Variants in ATM observed in about 807,000 individuals in gnomAD.
ATM encodes serine-protein kinase ATM.
A neutral mutation model predicts 387.0 loss-of-function variants in ATM; 308 were observed. The ratio of observed to expected loss-of-function variants is 0.80; its 90% CI spans 0.73 to 0.87. The LOEUF (loss-of-function observed/expected upper bound fraction) is 0.87, where lower values mean the gene tolerates loss of function less well. Ranked by LOEUF, ATM falls within the 40% of genes least tolerant of loss-of-function variation. ATM has a pLI of 0.00. For synonymous variants in ATM, 1,156 were observed against 1,187.3 expected, an observed-to-expected ratio of 0.97 and a Z score of 0.54; for missense variants, 3,312 against 3,560.9, an observed-to-expected ratio of 0.93 and a Z score of 1.78.
chr11:108,359,970 G>C (rs2090506527), intron 61 of ATM, among the ~76,000 whole-genome samples: 1 of 151,608 alleles, frequency 6.6e-6, no homozygotes. Flanking sequence ...AGGAAATAGA[G>C]ACACAAAAAA....
In ATM at chr11:108,244,966, G is replaced by C. The variant is rs1591504491; in HGVS notation, c.841G>C (p.Glu281Gln). 6.2e-7 allele frequency: 1 copy of C among 1,612,990 alleles called. No homozygotes were observed. The highest frequency in any genetic ancestry group is 8.5e-7 in the Non-Finnish European group (1 of 1,179,784). The change falls in exon 7 of 63, where the codon GAA becomes CAA. Residue 281 changes from glutamate to glutamine, a missense_variant. Transcript: ENST00000675843. ...TGATTCTTTAAAAGAAGTCATTATT[G>C]AATTATTTCAACTGCAAATTTATAT... ...LNDSLKEVII[E>Q]LFQLQIYIHH...
intron 61 of ATM, among the ~76,000 whole-genome samples, chr11:108,363,889 T>G (rs1263451262): frequency 6.6e-6 from 1 of 152,196 alleles, no homozygotes; most frequent in Non-Finnish European, 1.5e-5. Context: ...ATTAGAGGCC[T>G]TCATTCCTTT....
At position 108,271,332 on chromosome 11, in the gene ATM, A is replaced by C. The variant is rs765969190; in HGVS notation, c.3003A>C (p.Leu1001=). Residue 1001 remains leucine, a synonymous_variant, in exon 20 of 63, where the codon CTA becomes CTC. Transcript: ENST00000675843. ...ATGTCCTTCATGTAGTGAAAAACCT[A>C]GGTCAAAGCAATATGGACTCTGAGA... is the stretch of plus-strand genomic sequence containing the variant. ...LNHVLHVVKN[L]GQSNMDSENT... The C allele has an allele frequency of 1.2e-6, 2 of 1,613,984 alleles. No homozygotes were observed. Among genetic ancestry groups the C allele is most frequent in the Non-Finnish European group, 1.7e-6 (2 of 1,179,988 alleles).
At chr11:108,230,986 G>A (rs1014935663) in intron 4 of ATM, 1 of 152,300 alleles carries the variant, frequency 6.6e-6, no homozygotes, top group African/African-American at 2.4e-5. Flanking sequence ...ACAAGCGTGA[G>A]CCACTGCACC....
At chr11:108,242,128 C>CA (rs368062008) in intron 5 of ATM, among the ~76,000 whole-genome samples, 51 of 150,082 alleles carry the variant, frequency 3.4e-4, no homozygotes, top group African/African-American at 1.2e-3. Context: ...CTTAAAAAAA[C>CA]AAAAAACAAA....
chr11:108,271,912 C>T (rs2081606369), intron 20 of ATM, among the ~76,000 whole-genome samples: 1 of 152,160 alleles, frequency 6.6e-6, no homozygotes. Context: ...ATCACCCAGG[C>T]TGCAGGCTGG....
At chr11:108,316,349 T>G (rs2084648644) in intron 42 of ATM, among the ~76,000 whole-genome samples, 1 of 152,114 alleles carries the variant, frequency 6.6e-6, no homozygotes, top group Admixed American at 6.5e-5. Flanking sequence ...ACCTAAAAGA[T>G]AGTGTAGATT....
In ATM at chr11:108,256,235, T is replaced by G. The variant is rs2080474170; in HGVS notation, c.2145T>G (p.Leu715=). 1 of 1,608,064 alleles carries G rather than the reference T, an allele frequency of 6.2e-7. No individual in the cohort carries two copies. The highest frequency in any genetic ancestry group is 1.1e-5 in the South Asian group (1 of 90,352). ...YSSEITNSET[L]VRCSRLLVGV... ...TTAAGATTACAAATTCAGAAACTCT[T>G]GTCCGGTGTTCACGTCTTTTGGTGG... is the stretch of plus-strand genomic sequence containing the variant. The change falls in exon 14 of 63, where the codon CTT becomes CTG. Residue 715 remains leucine (L), a synonymous_variant. Coordinates refer to ENST00000675843, the MANE Select transcript of ATM (RefSeq NM_000051.4).
chr11:108,365,636 G>T lies in ATM; in HGVS notation c.*128G>T. Reference sequence around the variant, plus strand: ...TGAACTATTGTGGGTTTTTTTGAATGTTGGTTTTAATACTTGATTTAATCA... The same window carrying T: ...TGAACTATTGTGGGTTTTTTTGAATTTTGGTTTTAATACTTGATTTAATCA... On this transcript the variant is annotated 3_prime_UTR_variant, in exon 63 of 63. Transcript: ENST00000675843. 1 of 1,203,330 alleles carries T rather than the reference G, an allele frequency of 8.3e-7. No homozygotes were observed. Among genetic ancestry groups the T allele is most frequent in the Non-Finnish European group, 1.2e-6 (1 of 864,256 alleles). 74.5% of individuals were successfully genotyped at this position (1,203,330 alleles called of 1,614,324 possible). A position where few individuals can be genotyped will look rare whatever the true frequency, so the allele number is the denominator to read the frequency against.
At chr11:108,269,190 A>G in intron 18 of ATM, among the ~76,000 whole-genome samples, 1 of 152,210 alleles carries the variant, frequency 6.6e-6, no homozygotes, top group Non-Finnish European at 1.5e-5. Context: ...CCACAGTATA[A>G]TCATCAAAAT....
Position 108,287,626 on chromosome 11 carries a change from A to G in ATM, c.4020A>G (p.Leu1340=), listed in dbSNP as rs1555095888. Residue 1340 remains leucine (L), a synonymous_variant, in exon 27 of 63, where the codon TTA becomes TTG. Transcript: ENST00000675843. ...TTGATCACTTATTCATTAGTAATTTACCAGAGATTGTGGTGGAGTTATTGA... is the reference window on the plus strand; with the variant it reads ...TTGATCACTTATTCATTAGTAATTTGCCAGAGATTGTGGTGGAGTTATTGA... ...KQIDHLFISN[L]PEIVVELLMT... is the part of the protein sequence containing the mutation. 1 of 1,613,240 alleles carries G rather than the reference A, an allele frequency of 6.2e-7. No individual in the cohort carries two copies. Among genetic ancestry groups the G allele is most frequent in the Non-Finnish European group, 8.5e-7 (1 of 1,179,530 alleles).
At chr11:108,234,121 G>A (rs1412225369) in intron 4 of ATM, among the ~76,000 whole-genome samples, 1 of 152,064 alleles carries the variant, frequency 6.6e-6, no homozygotes, top group Admixed American at 6.5e-5. Flanking sequence ...ATGTTACAAG[G>A]ACTATAAGAG....
Position 108,325,395 on chromosome 11 carries a change from C to T in ATM, c.6658C>T (p.Gln2220Ter), listed in dbSNP as rs1060501536. ...QLLKDSDFSF[Q>*]EPIMALRTVI... The stretch of plus-strand genomic sequence containing the variant: ...TCTCAAGGACAGTGATTTTAGTTTT[C>T]AGGAGCCTATCATGGCTCTACGCAC... Residue 2220 changes from glutamine to a stop codon, truncating the protein, a stop_gained, in exon 46 of 63, where the codon CAG becomes TAG. Coordinates refer to ENST00000675843, the MANE Select transcript of ATM (RefSeq NM_000051.4). LOFTEE classifies it high-confidence loss of function. The T allele has an allele frequency of 6.2e-7, 1 of 1,613,346 alleles. No individual in the cohort carries two copies. The highest frequency in any genetic ancestry group is 1.7e-5 in the Admixed American group (1 of 59,946).
chr11:108,255,830 C>A (rs1356237387), intron 13 of ATM, among the ~76,000 whole-genome samples: 1 of 152,210 alleles, frequency 6.6e-6, no homozygotes, highest in East Asian at 1.9e-4. Context: ...CTTAAAATGT[C>A]ATTTTAATGT....
intron 61 of ATM, chr11:108,355,306 G>A (rs2089762524): frequency 1.4e-5 from 3 of 216,044 alleles, no homozygotes; most frequent in Non-Finnish European, 1.9e-5. Flanking sequence ...ACATGGCTTA[G>A]GAATGAGGGC....
At chr11:108,359,709 T>C (rs227044) in intron 61 of ATM, among the ~76,000 whole-genome samples, 150,580 of 152,218 alleles carry the variant, frequency 0.99, 74,499 homozygotes, top group Middle Eastern at 1. Context: ...GGATACATAA[T>C]GAAATGAAGG....
At chr11:108,333,006 G>A (rs1483224981) in intron 53 of ATM, 106 bp downstream of exon 53, 20 of 1,392,594 alleles carry the variant, frequency 1.4e-5, no homozygotes, top group Admixed American at 1.9e-5. Flanking sequence ...AATCACAAAC[G>A]TAATCCAAAA....
Position 108,326,245 on chromosome 11 carries a change from T to C in ATM, c.6975+20T>C, listed in dbSNP as rs781322757. The C allele has an allele frequency of 1.9e-6, 3 of 1,613,994 alleles. No individual in the cohort carries two copies. The highest frequency in any genetic ancestry group is 2.5e-6 in the Non-Finnish European group (3 of 1,179,940). The stretch of plus-strand genomic sequence containing the variant: ...GCAGCGGTTTGTTTTTTTTATTGGC[T>C]GGATTAGTGTTTTACTGTTATTTAA... On this transcript the variant is annotated intron_variant, in intron 47 of 62. Transcript: ENST00000675843.
intron 1 of ATM, chr11:108,223,990 A>C (rs1353427376): frequency 1.3e-5 from 2 of 152,258 alleles, no homozygotes; most frequent in East Asian, 3.8e-4. Flanking sequence ...CCAAGAAAAC[A>C]AAGCTGTTTT....
Sources: allele counts gnomAD v4.1 joint callset (sites outside exome capture counted in the v4.1 genomes callset), GRCh38; gene constraint gnomAD v4.1.1; transcripts MANE v1.5; gene names NCBI Gene and HGNC (gene_info 2026-07-23, HGNC 2026-07-21).